Variants in RBPMS observed in about 807,000 individuals in gnomAD.
RBPMS encodes RNA binding protein, mRNA processing factor, also known as RNA-binding protein with multiple splicing.
Under a neutral mutation model 26.8 loss-of-function variants are expected in RBPMS, and 7 were observed. The ratio of observed to expected loss-of-function variants is 0.26; its 90% confidence interval spans 0.15 to 0.49. The LOEUF (loss-of-function observed/expected upper bound fraction) is 0.49, where lower values mean the gene tolerates loss of function less well. RBPMS is among the 20% of genes least tolerant of loss of function. RBPMS has a pLI of 0.98. For missense variants in RBPMS, 186 were observed against 250.0 expected (o/e 0.74, Z 1.73); for synonymous variants, 96 against 93.3 (o/e 1.03, Z -0.17).
intron 5 of RBPMS, 87 bp from the exon 6 acceptor site, chr8:30,544,407 G>A (rs980555122): frequency 6.1e-6 from 8 of 1,308,824 alleles, no homozygotes; most frequent in South Asian, 1.3e-5. Context: ...ACAGTGATTG[G>A]GGCTCGGGGT....
chr8:30,433,004 T>C (rs1812097143), intron 1 of RBPMS, among the ~76,000 whole-genome samples: 1 of 152,158 alleles, frequency 6.6e-6, no homozygotes, highest in Non-Finnish European at 1.5e-5. Context: ...AAGCTTCTGT[T>C]CCTCTAAAAT....
chr8:30,481,338 T>C (rs2150852175), intron 4 of RBPMS, among the ~76,000 whole-genome samples: 1 of 152,280 alleles, frequency 6.6e-6, no homozygotes, highest in African/African-American at 2.4e-5. Context: ...AAACTGTGTT[T>C]CCTCATCATA....
At chr8:30,461,117 T>C (rs1483152364) in intron 1 of RBPMS, among the ~76,000 whole-genome samples, 2 of 151,866 alleles carry the variant, frequency 1.3e-5, no homozygotes, top group African/African-American at 2.4e-5. Context: ...AAAATGCATA[T>C]GCACCCCTAA....
Position 30,514,224 on chromosome 8 carries a change from CCTCAG to C in RBPMS, c.397+9792_397+9796del, listed in dbSNP as rs1822045125. 2.0e-5 allele frequency among the ~76,000 whole-genome samples: 3 copies of C among 152,124 alleles called. No individual in the cohort carries two copies. The South Asian group carries it at 6.2e-4, about 32-fold the overall frequency. ...ACAGGTAAAAATTAACGTTATTTAA[CCTCAG>C]CTCTTCAGTGCAAGTCGTTTTATGA... On this transcript the variant is annotated intron_variant, in intron 5 of 8. Transcript: ENST00000397323.
At chr8:30,493,678 G>T (rs1237553955) in intron 4 of RBPMS, among the ~76,000 whole-genome samples, 3 of 152,154 alleles carry the variant, frequency 2.0e-5, no homozygotes, top group Non-Finnish European at 4.4e-5. Flanking sequence ...GTAACTGACT[G>T]TGTTTGGGTT....
At chr8:30,510,506 T>C (rs1274783877) in intron 5 of RBPMS, among the ~76,000 whole-genome samples, 12 of 152,084 alleles carry the variant, frequency 7.9e-5, no homozygotes, top group Non-Finnish European at 1.5e-4. Flanking sequence ...CTGCCTTTTT[T>C]TTTTTTCCAG....
At chr8:30,550,747 C>T (rs912906327) in intron 6 of RBPMS, among the ~76,000 whole-genome samples, 10 of 152,194 alleles carry the variant, frequency 6.6e-5, no homozygotes, top group Non-Finnish European at 1.3e-4. Flanking sequence ...AGAGCTTATC[C>T]AAAAGAGGGG....
In RBPMS at chr8:30,408,263, C is replaced by T. The variant is rs142204128; in HGVS notation, c.66+23105C>T. 2.4e-3 allele frequency among the ~76,000 whole-genome samples: 366 copies of T among 152,304 alleles called. 1 individual carries two copies. Among genetic ancestry groups the T allele is most frequent in the African/African-American group, 8.1e-3 (337 of 41,570 alleles). ...GCACTACTCCAGCTGGGCACAGTGC[C>T]TCACACCAGCAATCCAGCACTTTAG... On this transcript the variant is annotated intron_variant, in intron 1 of 8. Transcript: ENST00000397323.
chr8:30,555,172 G>A (rs1324074900), intron 6 of RBPMS, among the ~76,000 whole-genome samples: 2 of 152,026 alleles, frequency 1.3e-5, no homozygotes, highest in African/African-American at 2.4e-5. Flanking sequence ...TCTTTTTCTG[G>A]GTATCTTGGT....
At chr8:30,552,601 CAG>C (rs1012699996) in intron 6 of RBPMS, 2 of 152,206 alleles carry the variant, frequency 1.3e-5, no homozygotes, top group African/African-American at 4.8e-5. Context: ...AACAGACTGA[CAG>C]AATTAAATAT....
At chr8:30,425,486 C>T (rs987698106) in intron 1 of RBPMS, among the ~76,000 whole-genome samples, 9 of 152,162 alleles carry the variant, frequency 5.9e-5, no homozygotes, top group African/African-American at 1.7e-4. Flanking sequence ...CAACAACCTC[C>T]GCCTCCCTGG....
At chr8:30,560,337 CA>C (rs1026624376) in intron 7 of RBPMS, among the ~76,000 whole-genome samples, 3 of 152,006 alleles carry the variant, frequency 2.0e-5, no homozygotes, top group African/African-American at 7.3e-5. Context: ...TCTGTGTTCG[CA>C]AAGGAGAGGT....
At position 30,571,808 on chromosome 8, in the gene RBPMS, T is replaced by A. The variant is rs571198240; in HGVS notation, c.*1283T>A. The A allele has an allele frequency of 2.6e-5, 4 of 152,328 alleles. No homozygotes were observed. The East Asian group carries it at 7.7e-4, about 29-fold the overall frequency. 9.4% of individuals were successfully genotyped at this position (152,328 alleles called of 1,614,324 possible). A position where few individuals can be genotyped will look rare whatever the true frequency, so the allele number is the denominator to read the frequency against. On this transcript the variant is annotated 3_prime_UTR_variant, in exon 9 of 9. Coordinates refer to ENST00000397323, the MANE Select transcript of RBPMS (RefSeq NM_001008710.3). ...CCAGAGTTCATGACAGCTCAACCTC[T>A]CCCCTTGTACAGAAGCCATTTTTGT...
intron 4 of RBPMS, among the ~76,000 whole-genome samples, chr8:30,497,836 T>G (rs566184003): frequency 6.6e-6 from 1 of 151,410 alleles, no homozygotes; most frequent in Non-Finnish European, 1.5e-5. Context: ...GTTAGCCAGG[T>G]TGGTCTCGAT....
rs547879580 is a variant in RBPMS at position 30,546,696 on chromosome 8, G to A, written c.528+2072G>A. On this transcript the variant is annotated intron_variant, in intron 6 of 8. Transcript: ENST00000397323. ...CTCTCCTCTGGTATCAGTTTTCAAC[G>A]CCACTTCTTGTTTGGAGTCATTCCC... Among the ~76,000 whole-genome samples the A allele has an allele frequency of 2.0e-5, 3 of 152,292 alleles. No homozygotes were observed. The South Asian group carries it at 6.2e-4, about 32-fold the overall frequency.
At chr8:30,491,828 C>T (rs936464189) in intron 4 of RBPMS, among the ~76,000 whole-genome samples, 2 of 152,176 alleles carry the variant, frequency 1.3e-5, no homozygotes, top group African/African-American at 4.8e-5. Context: ...TAAATGCATT[C>T]TCTTAGCCTG....
intron 7 of RBPMS, among the ~76,000 whole-genome samples, chr8:30,561,103 A>G (rs1013030400): frequency 7.9e-5 from 12 of 152,166 alleles, no homozygotes; most frequent in African/African-American, 2.7e-4. Context: ...TTCATGATAG[A>G]TAAAATGTTC....
chr8:30,390,439 C>T (rs1807652910), intron 1 of RBPMS, among the ~76,000 whole-genome samples: 1 of 152,210 alleles, frequency 6.6e-6, no homozygotes, highest in East Asian at 1.9e-4. Flanking sequence ...TACTGCTGGG[C>T]CCTCCAATGC....
intron 5 of RBPMS, among the ~76,000 whole-genome samples, chr8:30,514,722 C>G (rs1434247939): frequency 8.9e-6 from 1 of 112,564 alleles, no homozygotes; most frequent in Admixed American, 1.0e-4. Context: ...GGCGGGGTTT[C>G]CCCATGTTGG....
Sources: allele counts gnomAD v4.1 joint callset (sites outside exome capture counted in the v4.1 genomes callset), GRCh38; gene constraint gnomAD v4.1.1; transcripts MANE v1.5; gene names NCBI Gene and HGNC (gene_info 2026-07-23, HGNC 2026-07-21).